The following NRL variants were observed in gnomAD, a reference collection of about 807,000 sequenced individuals.
NRL encodes neural retina leucine zipper.
Under a neutral mutation model 12.5 loss-of-function variants are expected in NRL, and 16 were observed. The ratio of observed to expected loss-of-function variants is 1.28; its 90% CI spans 0.87 to 1.95. The LOEUF is 1.95. NRL is among the 30% of genes most tolerant of loss of function. The pLI, the probability that NRL is intolerant of heterozygous loss-of-function variation, is 0.00. For synonymous variants in NRL, 142 were observed against 150.9 expected (o/e 0.94, Z 0.43); for missense variants, 314 against 325.8 (o/e 0.96, Z 0.28).
At chr14:24,108,127 T>C (rs958316278) in intron 1 of NRL, among the ~76,000 whole-genome samples, 6 of 152,218 alleles carry the variant, frequency 3.9e-5, no homozygotes, top group Non-Finnish European at 8.8e-5. Context: ...TCCATGCTCA[T>C]TGTGTTCATT....
chr14:24,103,704 C>T (rs773555464), intron 1 of NRL: 1 of 1,614,164 alleles, frequency 6.2e-7, no homozygotes, highest in East Asian at 2.2e-5. Context: ...TGCTCGGGTG[C>T]TAGACTGGAT....
chr14:24,081,529 A>T lies in NRL; in HGVS notation c.421T>A (p.Ser141Thr). 2 of 1,604,706 alleles carry T rather than the reference A, an allele frequency of 1.2e-6. No homozygotes were observed. Among genetic ancestry groups the T allele is most frequent in the Non-Finnish European group, 8.5e-7 (1 of 1,176,998 alleles). The change falls in exon 3 of 3, where the codon TCT becomes ACT. Residue 141 changes from serine (S) to threonine (T), a missense_variant. By Grantham distance (58) the Ser-to-Thr change is moderately conservative. Coordinates refer to ENST00000561028, the MANE Select transcript of NRL (RefSeq NM_001354768.3). The surrounding 1 kb of genome is among the most constrained non-coding windows in gnomAD (Gnocchi z 4.4). ...AGCTGCCGGTTTAGCTCCCGCACAG[A>T]CATCGAGACCAGCGCCGCGTCGGAA... ...RFSDAALVSM[S>T]VRELNRQLRG...
At chr14:24,100,444 C>A in intron 1 of NRL, 2 of 984,752 alleles carry the variant, frequency 2.0e-6, no homozygotes, top group Non-Finnish European at 2.9e-6. Context: ...TTAGTTTCCA[C>A]ATCAGTTGAA....
chr14:24,092,706 C>T (rs571458215), intron 1 of NRL, among the ~76,000 whole-genome samples: 1 of 152,290 alleles, frequency 6.6e-6, no homozygotes, highest in East Asian at 1.9e-4. Flanking sequence ...GACCAGCTCT[C>T]CTTATCCCAC....
In NRL at chr14:24,097,012, C is replaced by T. The variant is rs754970464; in HGVS notation, c.-27-14137G>A. 7.4e-5 allele frequency: 119 copies of T among 1,613,660 alleles called. No homozygotes were observed. The South Asian group carries it at 7.6e-4, about 10-fold the overall frequency. On this transcript the variant is annotated intron_variant, in intron 1 of 2. Transcript: ENST00000561028. ...CTGGCATTCGAGATTTTGTAGAGCACAGTGCCCGCCTGTGCCAACCAGAGG... is the reference window on the plus strand; with the variant it reads ...CTGGCATTCGAGATTTTGTAGAGCATAGTGCCCGCCTGTGCCAACCAGAGG...
chr14:24,096,679 G>A (rs1408430426), intron 1 of NRL, among the ~76,000 whole-genome samples: 4 of 151,986 alleles, frequency 2.6e-5, no homozygotes, highest in Non-Finnish European at 4.4e-5. Flanking sequence ...TCTGTCCCTC[G>A]CTGAGCAGGA....
intron 1 of NRL, chr14:24,098,285 G>A: frequency 6.2e-7 from 1 of 1,614,034 alleles, no homozygotes; most frequent in East Asian, 2.2e-5. Context: ...GCGGGACACG[G>A]TACCACTCCC....
At chr14:24,109,726 G>A (rs1427942948) in intron 1 of NRL, among the ~76,000 whole-genome samples, 4 of 150,512 alleles carry the variant, frequency 2.7e-5, no homozygotes, top group African/African-American at 7.3e-5. Flanking sequence ...TCTTTTATAC[G>A]CAAAAAAATT....
chr14:24,084,905 C>A (rs900294254), intron 1 of NRL, among the ~76,000 whole-genome samples: 15 of 152,180 alleles, frequency 9.9e-5, no homozygotes, highest in African/African-American at 3.6e-4. Flanking sequence ...ACCACCACCC[C>A]TCTATGTGAA....
At chr14:24,111,523 G>C (rs2037419295) in intron 1 of NRL, among the ~76,000 whole-genome samples, 1 of 149,910 alleles carries the variant, frequency 6.7e-6, no homozygotes, top group African/African-American at 2.5e-5. Context: ...ACAAGCGCAT[G>C]CCACCACACT....
Position 24,080,720 on chromosome 14 carries a change from G to A in NRL, c.*516C>T, listed in dbSNP as rs973686002. 7.2e-5 allele frequency: 11 copies of A among 152,608 alleles called. No homozygotes were observed. The highest frequency in any genetic ancestry group is 2.6e-4 in the African/African-American group (11 of 41,544). The allele number at this position is 152,608 out of a possible 1,614,324, so 9.5% of individuals were successfully genotyped here. On this transcript the variant is annotated 3_prime_UTR_variant, in exon 3 of 3. Transcript: ENST00000561028. ...GCCCTGAAGGCCACAGGGTTGGGCA[G>A]GGAAAAAGCATCTCGGATAGAGGTC... is the stretch of plus-strand genomic sequence containing the variant.
At chr14:24,091,293 G>A (rs183417055) in intron 1 of NRL, among the ~76,000 whole-genome samples, 7 of 152,252 alleles carry the variant, frequency 4.6e-5, no homozygotes, top group Non-Finnish European at 8.8e-5. Flanking sequence ...TGGGACTACC[G>A]GCGTGCGCCA....
Position 24,110,761 on chromosome 14 carries a change from C to T in NRL, c.-28+3961G>A, listed in dbSNP as rs912455174. Among the ~76,000 whole-genome samples, 3 of 152,188 alleles carry T rather than the reference C, an allele frequency of 2.0e-5. No homozygotes were observed. The South Asian group carries it at 6.2e-4, about 32-fold the overall frequency. ...TTTTATGCATGTCCGGCCTAGATTTCTGGAAGCAGTATTACTGGGTCAAAG... is the reference window on the plus strand; with the variant it reads ...TTTTATGCATGTCCGGCCTAGATTTTTGGAAGCAGTATTACTGGGTCAAAG... On this transcript the variant is annotated intron_variant, in intron 1 of 2. Transcript: ENST00000561028.
chr14:24,102,685 C>T, intron 1 of NRL: 2 of 1,334,732 alleles, frequency 1.5e-6, no homozygotes, highest in South Asian at 1.3e-5. Flanking sequence ...AGAATGTGTG[C>T]CCATGTATGT....
rs769558514 is a variant in NRL, at chr14:24,096,935, C to T, written c.-27-14060G>A. The stretch of plus-strand genomic sequence containing the variant: ...GAGCCCCTTGGGCTGGCCATCATGC[C>T]GTAGCATCCAGACCCTGCGAGTGCT... On this transcript the variant is annotated intron_variant, in intron 1 of 2. Transcript: ENST00000561028. The T allele has an allele frequency of 2.0e-5, 33 of 1,613,414 alleles. No individual in the cohort carries two copies. The highest frequency in any genetic ancestry group is 4.0e-5 in the African/African-American group (3 of 74,876).
intron 1 of NRL, among the ~76,000 whole-genome samples, chr14:24,109,452 T>C (rs1411063803): frequency 6.6e-6 from 1 of 152,076 alleles, no homozygotes; most frequent in African/African-American, 2.4e-5. Flanking sequence ...TCCCAGCACT[T>C]TGGGAGGCCT....
intron 1 of NRL, among the ~76,000 whole-genome samples, chr14:24,087,867 A>C (rs2036503444): frequency 6.6e-6 from 1 of 152,170 alleles, no homozygotes; most frequent in African/African-American, 2.4e-5. Flanking sequence ...GCTTGAGCCC[A>C]GAAGTTCGAC....
chr14:24,083,778 C>T (rs1462932691), intron 1 of NRL, among the ~76,000 whole-genome samples: 3 of 152,230 alleles, frequency 2.0e-5, no homozygotes, highest in Non-Finnish European at 2.9e-5. Context: ...CCTATCCCTA[C>T]CTCTTACAGA....
intron 1 of NRL, among the ~76,000 whole-genome samples, chr14:24,088,803 ATTTT>A (rs756699961): frequency 9.4e-6 from 1 of 106,430 alleles, no homozygotes; most frequent in African/African-American, 3.9e-5. Flanking sequence ...TGCCTGGCTA[ATTTT>A]TTTTTTTTTT....
Sources: gnomAD v4.1 joint callset for allele counts (sites outside exome capture counted in the v4.1 genomes callset) on GRCh38, gnomAD v4.1.1 for gene constraint, Gnocchi (gnomAD v3.1) non-coding constraint, MANE v1.5 for transcripts, NCBI Gene and HGNC (gene_info 2026-07-23, HGNC 2026-07-21) for gene names.